The following MED12L variants were observed in gnomAD, a reference collection of about 807,000 sequenced individuals.
MED12L encodes the protein mediator of RNA polymerase II transcription subunit 12-like protein.
Under a neutral mutation model 281.3 loss-of-function variants are expected in MED12L, and 60 were observed. The ratio of observed to expected loss-of-function variants is 0.21; its 90% CI spans 0.17 to 0.26. MED12L has a LOEUF of 0.26. Ranked by LOEUF, MED12L falls within the 10% of genes least tolerant of loss-of-function variation. The pLI is 1.00. For synonymous variants in MED12L, 974 were observed against 987.2 expected, an observed-to-expected ratio of 0.99 and a Z score of 0.25; for missense variants, 2,146 against 2,680.9, an observed-to-expected ratio of 0.80 and a Z score of 4.41.
intron 43 of MED12L, among the ~76,000 whole-genome samples, chr3:151,422,084 T>G (rs1174421563): frequency 2.0e-5 from 3 of 152,186 alleles, no homozygotes; most frequent in Non-Finnish European, 4.4e-5. Context: ...CAGTCGTGTG[T>G]GTGGTGGAGA....
intron 11 of MED12L, among the ~76,000 whole-genome samples, chr3:151,185,062 G>A (rs987068714): frequency 6.6e-6 from 1 of 152,124 alleles, no homozygotes; most frequent in South Asian, 2.1e-4. Flanking sequence ...CTGGGGCTAG[G>A]TTATGTCCCT....
chr3:151,360,674 T>C, intron 21 of MED12L, 69 bp downstream of exon 21: 2 of 1,393,000 alleles, frequency 1.4e-6, no homozygotes, highest in Non-Finnish European at 2.0e-6. Flanking sequence ...CCTGACAATA[T>C]TGTCATCCTT....
chr3:151,328,519 C>A, intron 16 of MED12L: 1 of 1,613,930 alleles, frequency 6.2e-7, no homozygotes, highest in East Asian at 2.2e-5. Flanking sequence ...TGCTCAAGAT[C>A]GTATTTGGCA....
chr3:151,197,015 G>A (rs972768331), intron 16 of MED12L, among the ~76,000 whole-genome samples: 3 of 152,070 alleles, frequency 2.0e-5, no homozygotes, highest in Non-Finnish European at 4.4e-5. Flanking sequence ...CATCATGTAT[G>A]CTTATCTAAA....
intron 16 of MED12L, among the ~76,000 whole-genome samples, chr3:151,236,119 T>C (rs1732733243): frequency 6.6e-6 from 1 of 152,204 alleles, no homozygotes; most frequent in Admixed American, 6.5e-5. Flanking sequence ...ATTTCTCTTG[T>C]TAACGGCAAA....
chr3:151,092,077 T>C (rs756180645), intron 2 of MED12L, among the ~76,000 whole-genome samples: 8 of 152,192 alleles, frequency 5.3e-5, no homozygotes, highest in Non-Finnish European at 1.2e-4. Flanking sequence ...GATCTGGGCT[T>C]TGAGTCACCC....
At chr3:151,142,785 A>C (rs898578923) in intron 5 of MED12L, among the ~76,000 whole-genome samples, 28 of 151,850 alleles carry the variant, frequency 1.8e-4, no homozygotes, top group African/African-American at 5.1e-4. Flanking sequence ...TGCAATTTGC[A>C]CTGGAATGTT....
chr3:151,401,222 TTAA>T (rs1177933966), intron 39 of MED12L, among the ~76,000 whole-genome samples: 1 of 152,164 alleles, frequency 6.6e-6, no homozygotes, highest in African/African-American at 2.4e-5. Flanking sequence ...ATTACGAATA[TTAA>T]TATGTTATTT....
Position 151,376,873 on chromosome 3 carries a change from C to T in MED12L, c.4127C>T (p.Pro1376Leu), listed in dbSNP as rs1260183215. The stretch of plus-strand genomic sequence containing the variant: ...ATGATCAAACAGTGCTTGAAGGACC[C>T]TGTGAGTTTATATTGAAAGCTTATC... ...QLMIKQCLKDPGSGSVAEMNN... is the reference protein window; with the variant it reads ...QLMIKQCLKDLGSGSVAEMNN... The change falls in exon 29 of 45, where the codon CCT becomes CTT. Residue 1376 changes from proline (P) to leucine (L), a missense_variant and splice_region_variant. Coordinates refer to ENST00000687756, the MANE Select transcript of MED12L (RefSeq NM_001393769.1). The T allele has an allele frequency of 1.2e-6, 2 of 1,613,908 alleles. No homozygotes were observed. The highest frequency in any genetic ancestry group is 8.5e-7 in the Non-Finnish European group (1 of 1,179,848).
Position 151,137,094 on chromosome 3 carries a change from G to A in MED12L, c.556+9110G>A, listed in dbSNP as rs574505940. 3.3e-5 allele frequency among the ~76,000 whole-genome samples: 5 copies of A among 151,212 alleles called. No homozygotes were observed. In the South Asian group the frequency reaches 8.3e-4, roughly 25 times the overall value. On this transcript the variant is annotated intron_variant, in intron 5 of 44. Coordinates refer to ENST00000687756, the MANE Select transcript of MED12L (RefSeq NM_001393769.1). Reference sequence around the variant, plus strand: ...GGAGAATCGCTTGAACCTGGGAGGCGGAGGTTGTAGTGAGCTGAGATCGCA... The same window carrying A: ...GGAGAATCGCTTGAACCTGGGAGGCAGAGGTTGTAGTGAGCTGAGATCGCA...
At chr3:151,255,722 A>G (rs969010631) in intron 16 of MED12L, among the ~76,000 whole-genome samples, 12 of 152,212 alleles carry the variant, frequency 7.9e-5, no homozygotes, top group Admixed American at 7.9e-4. Flanking sequence ...TTACTCCAGC[A>G]TAGAGACAAA....
chr3:151,185,436 A>C lies in MED12L; in HGVS notation c.1601A>C (p.Lys534Thr). The C allele has an allele frequency of 6.2e-7, 1 of 1,614,006 alleles. No individual in the cohort carries two copies. The change falls in exon 12 of 45, where the codon AAG becomes ACG. Residue 534 changes from lysine to threonine, a missense_variant. Coordinates refer to ENST00000687756, the MANE Select transcript of MED12L (RefSeq NM_001393769.1). ...RAMAVAKLLE[K>T]RQAEIEAERC... is the part of the protein sequence containing the mutation. Reference sequence around the variant, plus strand: ...ATGGCTGTGGCAAAACTCCTGGAGAAGAGGCAAGCAGAAATTGAGGCAGAG... The same window carrying C: ...ATGGCTGTGGCAAAACTCCTGGAGACGAGGCAAGCAGAAATTGAGGCAGAG...
chr3:151,386,757 G>T (rs956969702), intron 36 of MED12L, among the ~76,000 whole-genome samples: 2 of 151,998 alleles, frequency 1.3e-5, no homozygotes, highest in African/African-American at 4.8e-5. Flanking sequence ...TGTATTTTTA[G>T]TGGAGACGGA....
chr3:151,198,317 A>G (rs2149131605), intron 16 of MED12L: 4 of 856,680 alleles, frequency 4.7e-6, no homozygotes, highest in Non-Finnish European at 6.8e-6. Flanking sequence ...AGCTAACTGT[A>G]TTTTTTCATA....
At chr3:151,217,584 G>A (rs1401684952) in intron 16 of MED12L, among the ~76,000 whole-genome samples, 1 of 152,196 alleles carries the variant, frequency 6.6e-6, no homozygotes, top group African/African-American at 2.4e-5. Flanking sequence ...TGCAATTGCA[G>A]ATGAGCCTCC....
intron 2 of MED12L, among the ~76,000 whole-genome samples, chr3:151,098,809 G>A (rs1721050006): frequency 6.6e-6 from 1 of 152,158 alleles, no homozygotes; most frequent in Non-Finnish European, 1.5e-5. Context: ...GAAGAAAGGA[G>A]GGGTGTATTA....
intron 16 of MED12L, among the ~76,000 whole-genome samples, chr3:151,291,431 A>AT (rs1250344708): frequency 6.6e-6 from 1 of 152,118 alleles, no homozygotes; most frequent in Admixed American, 6.5e-5. Flanking sequence ...ACATTGAAAG[A>AT]TTTTCTACAA....
At chr3:151,139,156 T>A (rs763644903) in intron 5 of MED12L, among the ~76,000 whole-genome samples, 143 of 152,228 alleles carry the variant, frequency 9.4e-4, no homozygotes, top group Non-Finnish European at 1.7e-3. Context: ...AGCTGTGTCC[T>A]GTGTCCATTT....
intron 11 of MED12L, among the ~76,000 whole-genome samples, chr3:151,171,782 G>T (rs1257486348): frequency 1.3e-5 from 2 of 152,168 alleles, no homozygotes. Flanking sequence ...GGCGAACTCT[G>T]CTTCACCACC....
Sources: allele counts gnomAD v4.1 joint callset (sites outside exome capture counted in the v4.1 genomes callset), GRCh38; gene constraint gnomAD v4.1.1; transcripts MANE v1.5; gene names NCBI Gene and HGNC (gene_info 2026-07-23, HGNC 2026-07-21).